Variants in MAN1A2 observed in about 807,000 individuals in gnomAD.
MAN1A2 encodes the protein mannosyl-oligosaccharide 1,2-alpha-mannosidase IB.
Under a neutral mutation model 75.7 loss-of-function variants are expected in MAN1A2, and 26 were observed. That is an observed-to-expected ratio of 0.34 (90% CI 0.25 to 0.48). MAN1A2 has a LOEUF of 0.48. MAN1A2 is among the 20% of genes least tolerant of loss of function. The pLI is 0.99. For synonymous variants in MAN1A2, 247 were observed against 264.6 expected (o/e 0.93, Z 0.65); for missense variants, 562 against 775.5 (o/e 0.72, Z 3.27).
At chr1:117,404,917 T>C (rs1010723199) in intron 2 of MAN1A2, among the ~76,000 whole-genome samples, 1 of 152,036 alleles carries the variant, frequency 6.6e-6, no homozygotes, top group African/African-American at 2.4e-5. Flanking sequence ...TAGCCAGGTG[T>C]GGTGGTGGGC....
intron 5 of MAN1A2, among the ~76,000 whole-genome samples, chr1:117,427,484 A>C (rs1648416675): frequency 6.6e-6 from 1 of 152,214 alleles, no homozygotes; most frequent in African/African-American, 2.4e-5. Context: ...AAATGAATGG[A>C]GCTTCAGAAA....
intron 1 of MAN1A2, among the ~76,000 whole-genome samples, chr1:117,368,804 A>G (rs774200194): frequency 2.0e-5 from 3 of 152,138 alleles, no homozygotes; most frequent in Non-Finnish European, 4.4e-5. Flanking sequence ...AACTTAACCT[A>G]AAGAAATGGT....
chr1:117,446,415 C>T (rs548748676), intron 6 of MAN1A2, among the ~76,000 whole-genome samples: 2 of 152,092 alleles, frequency 1.3e-5, no homozygotes, highest in African/African-American at 4.8e-5. Flanking sequence ...CCATAAACTA[C>T]TGTTTTTCTA....
At chr1:117,390,106 A>G (rs1653669260) in intron 1 of MAN1A2, among the ~76,000 whole-genome samples, 2 of 152,066 alleles carry the variant, frequency 1.3e-5, no homozygotes, top group Admixed American at 6.6e-5. Context: ...TTGTTTATTT[A>G]TTTATTATAT....
At chr1:117,400,775 GT>G (rs1647397482) in intron 1 of MAN1A2, among the ~76,000 whole-genome samples, 1 of 151,874 alleles carries the variant, frequency 6.6e-6, no homozygotes, top group Non-Finnish European at 1.5e-5. Context: ...TATCTTGATT[GT>G]TTTCAGTTTT....
chr1:117,493,675 G>A, intron 9 of MAN1A2: 1 of 154,060 alleles, frequency 6.5e-6, no homozygotes, highest in Non-Finnish European at 1.4e-5. Context: ...CAGCTACTTG[G>A]GAGGCTGCGG....
chr1:117,441,642 A>G (rs1048741963), intron 5 of MAN1A2, among the ~76,000 whole-genome samples: 1 of 152,164 alleles, frequency 6.6e-6, no homozygotes, highest in South Asian at 2.1e-4. Flanking sequence ...TTTACTATCT[A>G]TATGATTTTA....
At chr1:117,469,651 G>A (rs553824561) in intron 8 of MAN1A2, among the ~76,000 whole-genome samples, 1 of 151,956 alleles carries the variant, frequency 6.6e-6, no homozygotes. Flanking sequence ...AACAGAAGGC[G>A]AATCACCAAA....
rs1647311741 is a variant in MAN1A2 at position 117,398,838 on chromosome 1, TG to T, written c.303-3347del. 2.0e-5 allele frequency among the ~76,000 whole-genome samples: 3 copies of T among 152,226 alleles called. No homozygotes were observed. In the South Asian group the frequency reaches 6.2e-4, roughly 32 times the overall value. On this transcript the variant is annotated intron_variant, in intron 1 of 12. Coordinates refer to ENST00000356554, the MANE Select transcript of MAN1A2 (RefSeq NM_006699.5). ...CCTTAGGATAAGGGAAGCCATGAAG[TG>T]TTTTAAGTGAGAGTGAGGCATAGTC...
chr1:117,389,781 CTTGA>C (rs1296934000), intron 1 of MAN1A2, among the ~76,000 whole-genome samples: 5 of 146,736 alleles, frequency 3.4e-5, no homozygotes, highest in African/African-American at 1.3e-4. Context: ...GCTTTTTGTT[CTTGA>C]TCTTAATGGG....
chr1:117,499,683 A>G, intron 11 of MAN1A2, 129 bp downstream of exon 11: 1 of 482,462 alleles, frequency 2.1e-6, no homozygotes, highest in African/African-American at 2.0e-5. Context: ...TCTGATGAAG[A>G]AACTCTTAGT....
chr1:117,476,401 CT>C (rs1249346646), intron 8 of MAN1A2, among the ~76,000 whole-genome samples: 1 of 152,012 alleles, frequency 6.6e-6, no homozygotes, highest in African/African-American at 2.4e-5. Flanking sequence ...GTTGCCGTTG[CT>C]TTTTGTGTTT....
At chr1:117,475,070 TC>T (rs1343835616) in intron 8 of MAN1A2, among the ~76,000 whole-genome samples, 1 of 152,006 alleles carries the variant, frequency 6.6e-6, no homozygotes, top group African/African-American at 2.4e-5. Context: ...TTATCCATTC[TC>T]CTGTTGATGG....
At chr1:117,412,393 C>T (rs146516045) in intron 3 of MAN1A2, among the ~76,000 whole-genome samples, 9 of 151,588 alleles carry the variant, frequency 5.9e-5, no homozygotes, top group Admixed American at 4.6e-4. Context: ...CTTTTAAAAA[C>T]GAGGTTAATG....
chr1:117,449,219 G>A (rs1649329334), intron 6 of MAN1A2, among the ~76,000 whole-genome samples: 2 of 151,762 alleles, frequency 1.3e-5, no homozygotes, highest in Admixed American at 1.3e-4. Flanking sequence ...TGGCCTTGAT[G>A]TATTCAAGAG....
In MAN1A2 at chr1:117,505,855, C is replaced by T. The variant is rs937872042; in HGVS notation, c.1793+2885C>T. On this transcript the variant is annotated intron_variant, in intron 12 of 12. Coordinates refer to ENST00000356554, the MANE Select transcript of MAN1A2 (RefSeq NM_006699.5). ...CTATTAAGTGAACCATATGAAATTA[C>T]CCTTTTAAAAAGGGTAATTTGAATA... 4.0e-5 allele frequency among the ~76,000 whole-genome samples: 6 copies of T among 151,102 alleles called. No homozygotes were observed. In the East Asian group the frequency reaches 1.2e-3, roughly 29 times the overall value.
In MAN1A2 at chr1:117,402,429, A is replaced by G; in HGVS notation, c.546A>G (p.Glu182=). The G allele has an allele frequency of 6.3e-7, 1 of 1,594,290 alleles. No individual in the cohort carries two copies. The highest frequency in any genetic ancestry group is 8.5e-7 in the Non-Finnish European group (1 of 1,174,534). The change falls in exon 2 of 13, where the codon GAA becomes GAG. Residue 182 remains glutamate (E), a synonymous_variant. Transcript: ENST00000356554. The part of the protein sequence containing the change: ...PEDNDIREKR[E]KIKEMMKHAW... The stretch of plus-strand genomic sequence containing the variant: ...ATAATGACATAAGAGAGAAAAGGGA[A>G]AAAATTAAAGAGGTAATAAGCTGAG...
At chr1:117,445,488 A>G (rs896328124) in intron 6 of MAN1A2, among the ~76,000 whole-genome samples, 2 of 152,098 alleles carry the variant, frequency 1.3e-5, no homozygotes, top group African/African-American at 2.4e-5. Context: ...TCTTTGTTGG[A>G]AAGTTTTTAA....
chr1:117,514,372 AAAAG>A (rs919218369), intron 12 of MAN1A2, among the ~76,000 whole-genome samples: 1 of 151,812 alleles, frequency 6.6e-6, no homozygotes, highest in African/African-American at 2.4e-5. Flanking sequence ...AAAAAAAAAA[AAAAG>A]AAGAAAAAGA....
Sources: gnomAD v4.1 joint callset for allele counts (sites outside exome capture counted in the v4.1 genomes callset) on GRCh38, gnomAD v4.1.1 for gene constraint, MANE v1.5 for transcripts, NCBI Gene and HGNC (gene_info 2026-07-23, HGNC 2026-07-21) for gene names.